CCDC159: variants seen among roughly 807,000 people sequenced by gnomAD.
The protein encoded by CCDC159 is coiled-coil domain-containing protein 159.
A neutral mutation model predicts 50.9 loss-of-function variants in CCDC159; 40 were observed. The observed-to-expected ratio is 0.79, with a 90% CI of 0.61 to 1.02. The LOEUF is 1.02. Among genes scored for constraint, CCDC159 ranks in the 50% least tolerant of loss-of-function variants. CCDC159 has a pLI of 0.00. For missense variants in CCDC159, 356 were observed against 371.5 expected, an observed-to-expected ratio of 0.96 and a Z score of 0.34; for synonymous variants, 146 against 138.9, an observed-to-expected ratio of 1.05 and a Z score of -0.36.
chr19:11,353,667 G>C, intron 8 of CCDC159, 95 bp downstream of exon 8: 1 of 1,583,064 alleles, frequency 6.3e-7, no homozygotes, highest in Non-Finnish European at 8.6e-7. Context: ...GAGCCCACCT[G>C]AGTCCAGACT....
rs866650741 is a variant in CCDC159, at chr19:11,353,592, C to T, written c.689+20C>T. Reference sequence around the variant, plus strand: ...TATATGGTGATGCCCAGCCTGCAGTCTGACCCCTGACCCTCCTCTGAACCC... The same window carrying T: ...TATATGGTGATGCCCAGCCTGCAGTTTGACCCCTGACCCTCCTCTGAACCC... On this transcript the variant is annotated intron_variant, in intron 8 of 10. Transcript: ENST00000458408. 1 of 1,607,068 alleles carries T rather than the reference C, an allele frequency of 6.2e-7. No homozygotes were observed. Among genetic ancestry groups the T allele is most frequent in the Non-Finnish European group, 8.5e-7 (1 of 1,174,660 alleles).
Position 11,354,688 on chromosome 19 carries a change from TC to T in CCDC159, c.884del (p.Pro295HisfsTer19). On this transcript the variant is annotated frameshift_variant, in exon 10 of 11. Coordinates refer to ENST00000458408, the MANE Select transcript of CCDC159 (RefSeq NM_001080503.3). LOFTEE classifies it high-confidence loss of function. ...QPPFSKSGRS[F>X]PPA Reference sequence around the variant, plus strand: ...CCTTTCAGCAAGAGCGGCCGCTCCTTCCCACCCGGTGCAGATCCTCCCCAGT... The same window carrying T: ...CCTTTCAGCAAGAGCGGCCGCTCCTTCCACCCGGTGCAGATCCTCCCCAGT... 6.2e-7 allele frequency: 1 copy of T among 1,607,430 alleles called. No individual in the cohort carries two copies. Among genetic ancestry groups the T allele is most frequent in the Non-Finnish European group, 8.5e-7 (1 of 1,176,962 alleles).
chr19:11,348,713 A>G (rs759197450), intron 1 of CCDC159: 2 of 467,386 alleles, frequency 4.3e-6, no homozygotes, highest in Non-Finnish European at 8.6e-6. Context: ...GGACATGGGG[A>G]CTTATCTCAA....
At chr19:11,350,062 T>A (rs1568311870) in intron 3 of CCDC159, 36 bp downstream of exon 3, 1 of 1,612,062 alleles carries the variant, frequency 6.2e-7, no homozygotes, top group Non-Finnish European at 8.5e-7. Context: ...GCAACCTCTG[T>A]TTCTCCTTGC....
In CCDC159 at chr19:11,354,925, C is replaced by G; in HGVS notation, c.*48C>G. The G allele has an allele frequency of 1.3e-6, 2 of 1,594,174 alleles. No individual in the cohort carries two copies. The highest frequency in any genetic ancestry group is 1.7e-6 in the Non-Finnish European group (2 of 1,161,986). On this transcript the variant is annotated 3_prime_UTR_variant, in exon 11 of 11. Transcript: ENST00000458408. Reference sequence around the variant, plus strand: ...AAGACCCCTCCAGAGAGAAAATAAACTAGCCCAGACCCTCCTCTAGCCCCG... The same window carrying G: ...AAGACCCCTCCAGAGAGAAAATAAAGTAGCCCAGACCCTCCTCTAGCCCCG...
chr19:11,348,614 A>G, intron 1 of CCDC159: 1 of 400,052 alleles, frequency 2.5e-6, no homozygotes, highest in South Asian at 1.8e-5. Flanking sequence ...ATCATCTTTT[A>G]TCCAGCTTTG....
chr19:11,349,772 C>T, intron 2 of CCDC159, 85 bp downstream of exon 2: 1 of 1,264,596 alleles, frequency 7.9e-7, no homozygotes, highest in African/African-American at 1.5e-5. Flanking sequence ...TCAGCTGTCC[C>T]CCTGCCATGG....
In CCDC159 at chr19:11,350,204, G is replaced by A. The variant is rs1455849599; in HGVS notation, c.226+5G>A. The A allele has an allele frequency of 1.2e-6, 2 of 1,607,398 alleles. No homozygotes were observed. The highest frequency in any genetic ancestry group is 4.5e-5 in the East Asian group (2 of 44,754). ...TCAAGATTCAGCAGCTTGAAGGTGA[G>A]GACTGACCAGAGATCAAGGTCAGGC... is the stretch of plus-strand genomic sequence containing the variant. On this transcript the variant is annotated splice_donor_5th_base_variant and intron_variant, in intron 4 of 10. Coordinates refer to ENST00000458408, the MANE Select transcript of CCDC159 (RefSeq NM_001080503.3).
At chr19:11,353,619 T>C (rs1230949182) in intron 8 of CCDC159, 47 bp downstream of exon 8, 3 of 1,603,396 alleles carry the variant, frequency 1.9e-6, no homozygotes, top group Non-Finnish European at 2.6e-6. Context: ...TCTGAACCCG[T>C]TCCCCCAACG....
In CCDC159 at chr19:11,350,839, GA is replaced by G; in HGVS notation, c.260del (p.Lys87ArgfsTer19). ...TGAGCCCCACAGGCCGCCAGGGAGA[GA>G]AGGAGGAGCACAAGTGGGGCATGGA... ...VLSPTGRQGE[K>X]EEHKWGMEQG... On this transcript the variant is annotated frameshift_variant, in exon 5 of 11. Transcript: ENST00000458408. LOFTEE classifies it high-confidence loss of function. 1 of 1,551,062 alleles carries G rather than the reference GA, an allele frequency of 6.4e-7. No individual in the cohort carries two copies.
chr19:11,349,591 T>G (rs746258158), intron 1 of CCDC159, 63 bp from the exon 2 acceptor site: 19 of 1,598,540 alleles, frequency 1.2e-5, no homozygotes, highest in Non-Finnish European at 1.5e-5. Flanking sequence ...AAAACTGGGT[T>G]GAGGTGAGCA....
In CCDC159 at chr19:11,354,573, C is replaced by A; in HGVS notation, c.773-7C>A. ...GGTCACATTCAGGGAACCTGTCCCT[C>A]CTGCAGGCCACAAGGGGCACCAGTG... On this transcript the variant is annotated splice_region_variant and splice_polypyrimidine_tract_variant and intron_variant, in intron 9 of 10. Coordinates refer to ENST00000458408, the MANE Select transcript of CCDC159 (RefSeq NM_001080503.3). 1 of 1,574,338 alleles carries A rather than the reference C, an allele frequency of 6.4e-7. No individual in the cohort carries two copies. The highest frequency in any genetic ancestry group is 2.3e-5 in the East Asian group (1 of 43,008).
chr19:11,351,841 G>A, intron 5 of CCDC159, 65 bp from the exon 6 acceptor site: 1 of 1,453,022 alleles, frequency 6.9e-7, no homozygotes, highest in South Asian at 1.2e-5. Context: ...TGGAGGCACA[G>A]ATAGGGGCAT....
At chr19:11,353,124 G>T (rs1181523386) in intron 7 of CCDC159, among the ~76,000 whole-genome samples, 1 of 151,916 alleles carries the variant, frequency 6.6e-6, no homozygotes, top group African/African-American at 2.4e-5. Context: ...TTTTGAGACG[G>T]AGTTTCCCTC....
rs192404426 is a variant in CCDC159 at position 11,353,586 on chromosome 19, T to C, written c.689+14T>C. ...GAGTGATATATGGTGATGCCCAGCC[T>C]GCAGTCTGACCCCTGACCCTCCTCT... On this transcript the variant is annotated intron_variant, in intron 8 of 10. Transcript: ENST00000458408. 330 of 1,610,150 alleles carry C rather than the reference T, an allele frequency of 2.0e-4. No homozygotes were observed. The African/African-American group carries it at 4.1e-3, about 20-fold the overall frequency.
At chr19:11,351,846 G>A (rs1032662302) in intron 5 of CCDC159, 60 bp from the exon 6 acceptor site, 45 of 1,473,062 alleles carry the variant, frequency 3.1e-5, no homozygotes, top group Non-Finnish European at 3.9e-5. Flanking sequence ...GCACAGATAG[G>A]GGCATGGGAG....
intron 1 of CCDC159, chr19:11,348,146 G>T (rs762481413): frequency 2.2e-6 from 1 of 456,632 alleles, no homozygotes; most frequent in South Asian, 1.5e-5. Flanking sequence ...GCTGCTCCCT[G>T]CCAGGAAAGG....
At chr19:11,353,683 C>A in intron 8 of CCDC159, 109 bp from the exon 9 acceptor site, 2 of 1,559,268 alleles carry the variant, frequency 1.3e-6, no homozygotes, top group Non-Finnish European at 1.7e-6. Flanking sequence ...AGACTTCCCT[C>A]ACCCCCTAGG....
At chr19:11,347,155 C>T (rs965361559) in intron 1 of CCDC159, among the ~76,000 whole-genome samples, 1 of 151,992 alleles carries the variant, frequency 6.6e-6, no homozygotes, top group African/African-American at 2.4e-5. Flanking sequence ...GGCAGTGACT[C>T]TCGGAGGGGC....
Sources: gnomAD v4.1 joint callset for allele counts (sites outside exome capture counted in the v4.1 genomes callset) on GRCh38, gnomAD v4.1.1 for gene constraint, MANE v1.5 for transcripts, NCBI Gene and HGNC (gene_info 2026-07-23, HGNC 2026-07-21) for gene names.